Variants in NFATC1 observed in about 807,000 individuals in gnomAD.
NFATC1 encodes nuclear factor of activated T cells 1.
A neutral mutation model predicts 76.0 loss-of-function variants in NFATC1; 22 were observed. The observed-to-expected ratio is 0.29, with a 90% confidence interval of 0.21 to 0.41. The LOEUF is 0.41. NFATC1 is among the 10% of genes least tolerant of loss of function. NFATC1 has a pLI of 1.00. For missense variants in NFATC1, 1,357 were observed against 1,337.7 expected, an observed-to-expected ratio of 1.01 and a Z score of -0.23; for synonymous variants, 704 against 613.1, an observed-to-expected ratio of 1.15 and a Z score of -2.19.
chr18:79,409,484 A>G (rs73492177), intron 1 of NFATC1, among the ~76,000 whole-genome samples: 2 of 149,436 alleles, frequency 1.3e-5, no homozygotes, highest in East Asian at 4.1e-4. Flanking sequence ...TCCATCCCCA[A>G]TGCATCATTC....
intron 7 of NFATC1, among the ~76,000 whole-genome samples, chr18:79,464,506 T>G (rs1267053574): frequency 6.6e-6 from 1 of 151,602 alleles, no homozygotes; most frequent in Non-Finnish European, 1.5e-5. Context: ...AAAAAGGAAA[T>G]AAAACCTAGT....
At chr18:79,408,941 AT>A in intron 1 of NFATC1, among the ~76,000 whole-genome samples, 1 of 136,730 alleles carries the variant, frequency 7.3e-6, no homozygotes, top group Non-Finnish European at 1.6e-5. Context: ...TTCCCTATCC[AT>A]TCATTCATCA....
chr18:79,504,218 CTGTCTCGGCTTTCGACGGG>C (rs2090075472), intron 9 of NFATC1, among the ~76,000 whole-genome samples: 1 of 152,242 alleles, frequency 6.6e-6, no homozygotes, highest in Non-Finnish European at 1.5e-5. Flanking sequence ...AGCTGTCAGC[CTGTCTCGGCTTTCGACGGG>C]TGTTCCTCAC....
chr18:79,484,183 C>T (rs959753222), intron 8 of NFATC1, among the ~76,000 whole-genome samples: 2 of 152,088 alleles, frequency 1.3e-5, no homozygotes, highest in African/African-American at 2.4e-5. Flanking sequence ...AGCCCCTGGC[C>T]TCATCCTCCA....
chr18:79,437,680 C>G (rs969122232), intron 3 of NFATC1, among the ~76,000 whole-genome samples: 1 of 152,254 alleles, frequency 6.6e-6, no homozygotes, highest in Non-Finnish European at 1.5e-5. Flanking sequence ...AGCCGCCACC[C>G]TCTGCCCTCC....
At chr18:79,432,717 C>T (rs944873092) in intron 2 of NFATC1, among the ~76,000 whole-genome samples, 1 of 152,200 alleles carries the variant, frequency 6.6e-6, no homozygotes, top group African/African-American at 2.4e-5. Flanking sequence ...CCCCTAGATG[C>T]AAGAACCCCT....
At chr18:79,400,273 C>CGGGGACG in intron 1 of NFATC1, 1 of 847,696 alleles carries the variant, frequency 1.2e-6, no homozygotes. Context: ...GGGGGCGGGG[C>CGGGGACG]GGGGACGGGG....
At chr18:79,397,221 G>A (rs1481516921) in intron 1 of NFATC1, among the ~76,000 whole-genome samples, 1 of 152,222 alleles carries the variant, frequency 6.6e-6, no homozygotes, top group Non-Finnish European at 1.5e-5. Context: ...GTGAGCATAC[G>A]AGTTAGGGAT....
At chr18:79,466,126 G>A (rs1330264568) in intron 7 of NFATC1, among the ~76,000 whole-genome samples, 1 of 152,234 alleles carries the variant, frequency 6.6e-6, no homozygotes, top group Non-Finnish European at 1.5e-5. Flanking sequence ...CTGCATGGGT[G>A]TCTGGGCCTC....
chr18:79,482,475 G>A lies in NFATC1; in HGVS notation c.2093-3773G>A, dbSNP rs754309137. On this transcript the variant is annotated intron_variant, in intron 8 of 9. Transcript: ENST00000427363. The stretch of plus-strand genomic sequence containing the variant: ...TCCAGCGTGACCTGGTTCCTGGGGT[G>A]TCATTCCAGCATGAGCTGTTTCCTG... Among the ~76,000 whole-genome samples the A allele has an allele frequency of 2.1e-5, 3 of 143,814 alleles. No individual in the cohort carries two copies. The South Asian group carries it at 6.8e-4, about 33-fold the overall frequency. The allele number at this position is 143,814 out of a possible 152,430, so 94.3% of individuals were successfully genotyped here. A position where few individuals can be genotyped will look rare whatever the true frequency, so the allele number is the denominator to read the frequency against.
At chr18:79,502,498 T>C (rs1159530954) in intron 9 of NFATC1, among the ~76,000 whole-genome samples, 1 of 152,194 alleles carries the variant, frequency 6.6e-6, no homozygotes, top group Non-Finnish European at 1.5e-5. Context: ...AAATTTAAAA[T>C]TTTTATGCTT....
intron 2 of NFATC1, among the ~76,000 whole-genome samples, chr18:79,417,119 T>C (rs535958420): frequency 9.2e-5 from 12 of 130,304 alleles, no homozygotes; most frequent in African/African-American, 3.1e-4. Context: ...TGGGCTATGG[T>C]GGGAGATGGG....
chr18:79,456,449 C>T (rs1411912295), intron 6 of NFATC1, among the ~76,000 whole-genome samples: 3 of 152,214 alleles, frequency 2.0e-5, no homozygotes, highest in Non-Finnish European at 4.4e-5. Flanking sequence ...CCCAGGGTGT[C>T]GCGGAAGCCC....
At chr18:79,467,970 C>T (rs1600831534) in intron 8 of NFATC1, 5 of 1,018,510 alleles carry the variant, frequency 4.9e-6, no homozygotes, top group South Asian at 3.9e-5. Flanking sequence ...TTTGCAGGCA[C>T]CTTTAGGAAT....
chr18:79,467,772 C>T, intron 8 of NFATC1, 190 bp downstream of exon 8: 1 of 1,091,122 alleles, frequency 9.2e-7, no homozygotes, highest in South Asian at 4.4e-5. Flanking sequence ...GATGCATTTT[C>T]CTTGATCCCT....
chr18:79,484,923 G>A (rs925603087), intron 8 of NFATC1, among the ~76,000 whole-genome samples: 6 of 152,246 alleles, frequency 3.9e-5, no homozygotes, highest in Non-Finnish European at 8.8e-5. Flanking sequence ...GCAGGAAAAC[G>A]CCGTCTCCAT....
At chr18:79,405,343 C>G (rs1396247706) in intron 1 of NFATC1, among the ~76,000 whole-genome samples, 1 of 152,252 alleles carries the variant, frequency 6.6e-6, no homozygotes. Flanking sequence ...ACACGGCAGC[C>G]AGGGAGTGGG....
chr18:79,439,079 C>T (rs556289368), intron 3 of NFATC1, among the ~76,000 whole-genome samples: 95 of 152,236 alleles, frequency 6.2e-4, no homozygotes, highest in African/African-American at 2.0e-3. Context: ...TGTTCAGTAC[C>T]GTGAGGAGCA....
chr18:79,452,304 A>G (rs1034948929), intron 6 of NFATC1, among the ~76,000 whole-genome samples: 1 of 152,194 alleles, frequency 6.6e-6, no homozygotes, highest in Non-Finnish European at 1.5e-5. Flanking sequence ...CTTTAATGCC[A>G]CAGCCGTGGT....
Sources: gnomAD v4.1 joint callset for allele counts (sites outside exome capture counted in the v4.1 genomes callset) on GRCh38, gnomAD v4.1.1 for gene constraint, MANE v1.5 for transcripts, NCBI Gene and HGNC (gene_info 2026-07-23, HGNC 2026-07-21) for gene names.